Variants in CAPN3 observed in about 807,000 individuals in gnomAD.
The protein encoded by CAPN3 is calpain 3.
Under a neutral mutation model 114.0 loss-of-function variants are expected in CAPN3, and 88 were observed. That is an observed-to-expected ratio of 0.77 (90% CI 0.65 to 0.92). CAPN3 has a LOEUF of 0.92. CAPN3 is among the 40% of genes least tolerant of loss of function. CAPN3 has a pLI of 0.00. For missense variants in CAPN3, 1,028 were observed against 1,069.0 expected (o/e 0.96, Z 0.53); for synonymous variants, 386 against 382.9 (o/e 1.01, Z -0.09).
At chr15:42,398,668 TACAC>T (rs572662062) in intron 9 of CAPN3, among the ~76,000 whole-genome samples, 153 of 142,754 alleles carry the variant, frequency 1.1e-3, no homozygotes, top group African/African-American at 3.9e-3. Flanking sequence ...CACACACATA[TACAC>T]ACACACACGT....
At chr15:42,406,082 C>A in intron 15 of CAPN3, 139 bp downstream of exon 15, 2 of 810,972 alleles carry the variant, frequency 2.5e-6, no homozygotes, top group South Asian at 1.4e-5. Flanking sequence ...TGAGCTTCTG[C>A]TGGGGCCGAG....
rs377660901 is a variant in CAPN3 at position 42,382,557 on chromosome 15, C to CG, written c.310-1922dup. Among the ~76,000 whole-genome samples, 291 of 152,184 alleles carry CG rather than the reference C, an allele frequency of 1.9e-3. 1 individual carries two copies. Among genetic ancestry groups the CG allele is most frequent in the African/African-American group, 6.5e-3 (270 of 41,520 alleles). The stretch of plus-strand genomic sequence containing the variant: ...CTAATCCTTTTAATCTTTGTAGAGA[C>CG]GGGGTCTCACTATGTTGCCCAGACT... On this transcript the variant is annotated intron_variant, in intron 1 of 23. Coordinates refer to ENST00000397163, the MANE Select transcript of CAPN3 (RefSeq NM_000070.3).
intron 14 of CAPN3, chr15:42,404,071 A>G (rs2053951281): frequency 3.7e-6 from 2 of 546,538 alleles, no homozygotes; most frequent in South Asian, 1.5e-5. Context: ...AAGGGATGAC[A>G]AGAGCCGCAG....
chr15:42,394,388 C>A, intron 8 of CAPN3, 47 bp downstream of exon 8: 1 of 1,437,080 alleles, frequency 7.0e-7, no homozygotes, highest in East Asian at 2.5e-5. Context: ...GGAACAGGGT[C>A]CGGGACAAGG....
intron 1 of CAPN3, among the ~76,000 whole-genome samples, chr15:42,367,008 A>G (rs1167867633): frequency 6.6e-6 from 1 of 151,264 alleles, no homozygotes; most frequent in African/African-American, 2.4e-5. Context: ...TAATTTTTGT[A>G]TTTTTAGTAG....
chr15:42,402,622 A>G, intron 12 of CAPN3, 172 bp from the exon 13 acceptor site: 1 of 1,524,392 alleles, frequency 6.6e-7, no homozygotes, highest in Non-Finnish European at 8.8e-7. Context: ...ACAGAAAAGG[A>G]AGAGGAAGTG....
intron 9 of CAPN3, among the ~76,000 whole-genome samples, chr15:42,398,361 G>T (rs2053760521): frequency 6.6e-6 from 1 of 152,070 alleles, no homozygotes; most frequent in Non-Finnish European, 1.5e-5. Context: ...GAGGCGGGCA[G>T]ATCACTTGAG....
Position 42,359,586 on chromosome 15 carries a change from T to C in CAPN3, c.-220T>C. The stretch of plus-strand genomic sequence containing the variant: ...TGCTTCAGAAATCCTTTAGCACTCA[T>C]TTCTCAGGAGAACTTATGGCTTCAG... On this transcript the variant is annotated 5_prime_UTR_variant, in exon 1 of 24. Transcript: ENST00000397163. 1 of 1,412,866 alleles carries C rather than the reference T, an allele frequency of 7.1e-7. No individual in the cohort carries two copies. Among genetic ancestry groups the C allele is most frequent in the South Asian group, 1.6e-5 (1 of 63,992 alleles). 87.5% of individuals were successfully genotyped at this position (1,412,866 alleles called of 1,614,324 possible). A position where few individuals can be genotyped will look rare whatever the true frequency, so the allele number is the denominator to read the frequency against.
Position 42,392,682 on chromosome 15 carries a change from T to G in CAPN3, c.989T>G (p.Leu330Arg). The change falls in exon 7 of 24, where the codon CTG becomes CGG. Residue 330 changes from leucine to arginine, a missense_variant. Coordinates refer to ENST00000397163, the MANE Select transcript of CAPN3 (RefSeq NM_000070.3). The part of the protein sequence containing the change: ...VQYETRMACG[L>R]VRGHAYSVTG... ...TATGAGACAAGAATGGCCTGCGGGC[T>G]GGTCAGAGGTCACGCCTACTCTGTC... 4.3e-6 allele frequency: 7 copies of G among 1,614,070 alleles called. No individual in the cohort carries two copies. Among genetic ancestry groups the G allele is most frequent in the Non-Finnish European group, 5.9e-6 (7 of 1,179,944 alleles).
chr15:42,377,099 A>C (rs1197327668), intron 1 of CAPN3, among the ~76,000 whole-genome samples: 1 of 151,988 alleles, frequency 6.6e-6, no homozygotes, highest in Non-Finnish European at 1.5e-5. Context: ...TACATAGACA[A>C]TTGTGTCATC....
intron 13 of CAPN3, among the ~76,000 whole-genome samples, chr15:42,403,324 G>A (rs28364496): frequency 0.015 from 2,249 of 152,268 alleles, 55 homozygotes; most frequent in African/African-American, 0.052. Flanking sequence ...GATTTGGAGA[G>A]GTGATATGGA....
intron 1 of CAPN3, among the ~76,000 whole-genome samples, chr15:42,379,824 G>A (rs2053189695): frequency 6.6e-6 from 1 of 152,024 alleles, no homozygotes; most frequent in Admixed American, 6.6e-5. Context: ...TATATTTAAA[G>A]TGGGTTTCTT....
In CAPN3 at chr15:42,409,372, G is replaced by C. The variant is rs187054121; in HGVS notation, c.1984G>C (p.Ala662Pro). Residue 662 changes from alanine to proline, a missense_variant, in exon 17 of 24, where the codon GCA becomes CCA. Ala to Pro is a conservative substitution (Grantham distance 27). Transcript: ENST00000397163. ...ATTCCGGAACATTTTCAAGCAGATAGCAGGAGATGTGAGTACCTCCAAGCC... is the reference window on the plus strand; with the variant it reads ...ATTCCGGAACATTTTCAAGCAGATACCAGGAGATGTGAGTACCTCCAAGCC... ...QQFRNIFKQI[A>P]GDDMEICADE... The C allele has an allele frequency of 6.2e-7, 1 of 1,614,126 alleles. No individual in the cohort carries two copies. The highest frequency in any genetic ancestry group is 1.7e-5 in the Admixed American group (1 of 60,016).
intron 1 of CAPN3, among the ~76,000 whole-genome samples, chr15:42,366,816 ATTCTTTTTT>A (rs2052788916): frequency 1.4e-5 from 2 of 140,972 alleles, no homozygotes; most frequent in Admixed American, 7.0e-5. Context: ...CCCTCACAGA[ATTCTTTTTT>A]TTCTTTTTTT....
chr15:42,402,613 C>T, intron 12 of CAPN3, 181 bp from the exon 13 acceptor site: 3 of 1,518,618 alleles, frequency 2.0e-6, no homozygotes, highest in Admixed American at 4.0e-5. Flanking sequence ...TGAATCACAA[C>T]AGAAAAGGAA....
chr15:42,383,773 A>G (rs1250623344), intron 1 of CAPN3, among the ~76,000 whole-genome samples: 4 of 151,716 alleles, frequency 2.6e-5, no homozygotes, highest in Admixed American at 2.0e-4. Context: ...GGGTTTCACT[A>G]TGTTGGCCAG....
chr15:42,371,716 C>T (rs1401844167), intron 1 of CAPN3, among the ~76,000 whole-genome samples: 1 of 152,164 alleles, frequency 6.6e-6, no homozygotes, highest in Non-Finnish European at 1.5e-5. Flanking sequence ...GTAATCCCAG[C>T]ACTTTGGGAG....
chr15:42,405,608 G>A (rs961937511), intron 14 of CAPN3, among the ~76,000 whole-genome samples: 4 of 152,068 alleles, frequency 2.6e-5, no homozygotes, highest in African/African-American at 4.8e-5. Context: ...CAGCACGCCC[G>A]GCCACCAATT....
chr15:42,401,950 G>C (rs2053884523), intron 11 of CAPN3, 140 bp downstream of exon 11: 5 of 1,337,754 alleles, frequency 3.7e-6, no homozygotes, highest in Admixed American at 1.8e-5. Flanking sequence ...ACTTGTGTTT[G>C]TAACAAGCAA....
Sources: gnomAD v4.1 joint callset for allele counts (sites outside exome capture counted in the v4.1 genomes callset) on GRCh38, gnomAD v4.1.1 for gene constraint, MANE v1.5 for transcripts, NCBI Gene and HGNC (gene_info 2026-07-23, HGNC 2026-07-21) for gene names.